The following EYS variants were observed in gnomAD, a reference collection of about 807,000 sequenced individuals.
EYS encodes protein eyes shut homolog.
In EYS, 250 loss-of-function variants were observed where a neutral mutation model predicts 282.1. The ratio of observed to expected loss-of-function variants is 0.89; its 90% CI spans 0.80 to 0.98. The LOEUF is 0.98. EYS is among the 50% of genes least tolerant of loss of function. The pLI, the probability that EYS is intolerant of heterozygous loss-of-function variation, is 0.00. For missense variants in EYS, 4,016 were observed against 3,709.0 expected (o/e 1.08, Z -2.15); for synonymous variants, 1,355 against 1,282.9 (o/e 1.06, Z -1.20).
At chr6:65,421,081 C>G (rs1230211059) in intron 5 of EYS, among the ~76,000 whole-genome samples, 1 of 151,832 alleles carries the variant, frequency 6.6e-6, no homozygotes, top group Admixed American at 6.6e-5. Context: ...GCTGCATTAA[C>G]CCCTAGCAAG....
chr6:64,194,295 T>G (rs1318223395), intron 31 of EYS, among the ~76,000 whole-genome samples: 1 of 152,204 alleles, frequency 6.6e-6, no homozygotes, highest in African/African-American at 2.4e-5. Context: ...TACCTTTTAA[T>G]TTATCTGAGT....
intron 31 of EYS, among the ~76,000 whole-genome samples, chr6:64,089,694 A>G (rs1296133351): frequency 2.6e-5 from 4 of 152,026 alleles, no homozygotes; most frequent in Non-Finnish European, 5.9e-5. Flanking sequence ...ATAAACACTG[A>G]TAAATTTGTT....
chr6:64,891,847 C>T (rs1767301499), intron 18 of EYS, among the ~76,000 whole-genome samples: 1 of 151,616 alleles, frequency 6.6e-6, no homozygotes, highest in Non-Finnish European at 1.5e-5. Flanking sequence ...ACAATTAAGA[C>T]CATGAAATAT....
rs117278915 is a variant in EYS at position 64,363,263 on chromosome 6, T to A, written c.6078+25427A>T. Among the ~76,000 whole-genome samples, 20 of 152,092 alleles carry A rather than the reference T, an allele frequency of 1.3e-4. No homozygotes were observed. The East Asian group carries it at 2.7e-3, about 21-fold the overall frequency. On this transcript the variant is annotated intron_variant, in intron 29 of 42. Coordinates refer to ENST00000503581, the MANE Select transcript of EYS (RefSeq NM_001142800.2). ...ATCTTTTGTAAGATATACATTTTTT[T>A]ATTTTATAAACAATTGCATAGGATT...
At chr6:64,976,632 T>C (rs1020645948) in intron 14 of EYS, among the ~76,000 whole-genome samples, 3 of 151,936 alleles carry the variant, frequency 2.0e-5, no homozygotes, top group African/African-American at 7.2e-5. Flanking sequence ...CACCTACTAA[T>C]ACCATTGCTT....
intron 41 of EYS, among the ~76,000 whole-genome samples, chr6:63,755,605 C>T (rs1213609016): frequency 1.3e-5 from 2 of 152,172 alleles, no homozygotes; most frequent in Non-Finnish European, 2.9e-5. Flanking sequence ...ATTGTCCTGG[C>T]TATACGAGCT....
chr6:65,487,722 T>C (rs1050613405), intron 5 of EYS, among the ~76,000 whole-genome samples: 7 of 152,204 alleles, frequency 4.6e-5, no homozygotes, highest in African/African-American at 1.4e-4. Flanking sequence ...TCTTTTTCTA[T>C]TGATCGGAAT....
chr6:65,670,302 C>A (rs376269177), intron 1 of EYS, among the ~76,000 whole-genome samples: 1 of 152,046 alleles, frequency 6.6e-6, no homozygotes, highest in Non-Finnish European at 1.5e-5. Flanking sequence ...TGCATATCTC[C>A]TTTTGCATGG....
intron 12 of EYS, among the ~76,000 whole-genome samples, chr6:65,184,312 C>T (rs1485871601): frequency 1.3e-5 from 2 of 151,788 alleles, no homozygotes. Context: ...GAAGTCATCA[C>T]ATGGCAGAAA....
intron 26 of EYS, among the ~76,000 whole-genome samples, chr6:64,530,563 CAT>C (rs1178058709): frequency 2.3e-4 from 35 of 151,932 alleles, no homozygotes; most frequent in African/African-American, 8.2e-4. Flanking sequence ...AGATTTATAA[CAT>C]GATATTACTG....
chr6:65,119,182 G>GA (rs1410414626), intron 12 of EYS, among the ~76,000 whole-genome samples: 2 of 152,138 alleles, frequency 1.3e-5, no homozygotes. Context: ...TTCTAGTTAA[G>GA]AAATTGCTGC....
chr6:64,497,961 T>C (rs1776939631), intron 26 of EYS, among the ~76,000 whole-genome samples: 1 of 151,668 alleles, frequency 6.6e-6, no homozygotes, highest in Non-Finnish European at 1.5e-5. Flanking sequence ...ATAGATGGAG[T>C]GAAAGGTAAG....
chr6:64,885,241 A>G (rs2150062393), intron 19 of EYS, among the ~76,000 whole-genome samples: 1 of 151,808 alleles, frequency 6.6e-6, no homozygotes, highest in East Asian at 1.9e-4. Context: ...ATATATTAAA[A>G]CATCTTAAAT....
At chr6:63,806,423 G>A (rs986446306) in intron 36 of EYS, 51 bp from the exon 37 acceptor site, 1 of 1,424,676 alleles carries the variant, frequency 7.0e-7, no homozygotes, top group African/African-American at 1.4e-5. Context: ...ACATGTATTT[G>A]TAAAGTGAGG....
intron 12 of EYS, among the ~76,000 whole-genome samples, chr6:65,110,984 C>G (rs887373395): frequency 2.6e-4 from 39 of 152,028 alleles, no homozygotes; most frequent in African/African-American, 9.2e-4. Context: ...TGAACTGCCT[C>G]AATGATAACA....
chr6:64,194,950 C>T (rs1410842780), intron 31 of EYS, among the ~76,000 whole-genome samples: 1 of 152,086 alleles, frequency 6.6e-6, no homozygotes, highest in Non-Finnish European at 1.5e-5. Flanking sequence ...ATGCCTAACT[C>T]GTGTAACAAC....
chr6:65,422,161 C>A (rs922701748), intron 5 of EYS, among the ~76,000 whole-genome samples: 2 of 151,864 alleles, frequency 1.3e-5, no homozygotes, highest in Admixed American at 6.6e-5. Flanking sequence ...ATGCTTATAG[C>A]ATATTTAACT....
chr6:65,040,687 C>A lies in EYS; in HGVS notation c.2137+16927G>T, dbSNP rs117128779. Among the ~76,000 whole-genome samples, 69 of 151,688 alleles carry A rather than the reference C, an allele frequency of 4.5e-4. No individual in the cohort carries two copies. The East Asian group carries it at 0.013, about 28-fold the overall frequency. ...TGTCTCTAGGCTTTGCCAAATGTCT[C>A]CTGGAAAGGCAAAGTCATTTCTAGC... On this transcript the variant is annotated intron_variant, in intron 13 of 42. Coordinates refer to ENST00000503581, the MANE Select transcript of EYS (RefSeq NM_001142800.2).
intron 24 of EYS, among the ~76,000 whole-genome samples, chr6:64,594,134 G>A (rs1191332051): frequency 6.6e-6 from 1 of 152,024 alleles, no homozygotes; most frequent in Non-Finnish European, 1.5e-5. Flanking sequence ...TTCAGATGTG[G>A]GTGGTGGTTG....
Sources: allele counts gnomAD v4.1 joint callset (sites outside exome capture counted in the v4.1 genomes callset), GRCh38; gene constraint gnomAD v4.1.1; transcripts MANE v1.5; gene names NCBI Gene and HGNC (gene_info 2026-07-23, HGNC 2026-07-21).